The following PCDHGA5 variants were observed in gnomAD, a reference collection of about 807,000 sequenced individuals.
The protein encoded by PCDHGA5 is protocadherin gamma-A5.
Under a neutral mutation model 56.7 loss-of-function variants are expected in PCDHGA5, and 36 were observed. That is an observed-to-expected ratio of 0.64 (90% CI 0.49 to 0.84). The LOEUF (loss-of-function observed/expected upper bound fraction) is 0.84, where lower values mean the gene tolerates loss of function less well. PCDHGA5 is among the 40% of genes least tolerant of loss of function. PCDHGA5 has a pLI of 0.00. For missense variants in PCDHGA5, 1,305 were observed against 1,201.5 expected (o/e 1.09, Z -1.27); for synonymous variants, 563 against 520.2 (o/e 1.08, Z -1.12).
In PCDHGA5 at chr5:141,490,442, A is replaced by T. The variant is rs757900187; in HGVS notation, c.2422-4365A>T. On this transcript the variant is annotated intron_variant, in intron 1 of 3. Transcript: ENST00000518069. The surrounding 1 kb of genome is among the most constrained non-coding windows in gnomAD (Gnocchi z 5.4). ...CTGCCATTTCAGATTAAGCCTTCTG[A>T]GAACCACTACTCGCTGCTAACCAGC... 16 of 1,614,092 alleles carry T rather than the reference A, an allele frequency of 9.9e-6. No individual in the cohort carries two copies. Among genetic ancestry groups the T allele is most frequent in the Non-Finnish European group, 1.2e-5 (14 of 1,180,044 alleles).
intron 1 of PCDHGA5, chr5:141,399,761 G>C: frequency 1.2e-6 from 2 of 1,613,356 alleles, no homozygotes; most frequent in Non-Finnish European, 1.7e-6. Flanking sequence ...GTGAGCCTGC[G>C]CGTGTTGGTG....
At chr5:141,408,228 G>C (rs1233027944) in intron 1 of PCDHGA5, 2 of 1,564,122 alleles carry the variant, frequency 1.3e-6, no homozygotes, top group South Asian at 2.3e-5. Flanking sequence ...GCGCAGAGGC[G>C]CCGGGCCGGC....
intron 1 of PCDHGA5, among the ~76,000 whole-genome samples, chr5:141,458,368 A>C (rs934670055): frequency 3.9e-5 from 6 of 152,112 alleles, no homozygotes; most frequent in Admixed American, 3.9e-4. Flanking sequence ...GAAGGAAGGG[A>C]GAAGAGAGAA....
At chr5:141,415,095 C>T (rs1045755927) in intron 1 of PCDHGA5, 1 of 1,613,584 alleles carries the variant, frequency 6.2e-7, no homozygotes, top group Non-Finnish European at 8.5e-7. Context: ...TGGACAGAGA[C>T]GCGCTCAAGC....
In PCDHGA5 at chr5:141,458,391, C is replaced by G. The variant is rs534396279; in HGVS notation, c.2422-36416C>G. 5.9e-5 allele frequency among the ~76,000 whole-genome samples: 9 copies of G among 152,126 alleles called. No homozygotes were observed. In the South Asian group the frequency reaches 1.0e-3, roughly 18 times the overall value. ...GGAGAAGAGAGAAGGAAGACGCTCCCCCTTGCAGAGACGGAGCGGGGGTTC... is the reference window on the plus strand; with the variant it reads ...GGAGAAGAGAGAAGGAAGACGCTCCGCCTTGCAGAGACGGAGCGGGGGTTC... On this transcript the variant is annotated intron_variant, in intron 1 of 3. Coordinates refer to ENST00000518069, the MANE Select transcript of PCDHGA5 (RefSeq NM_018918.3).
chr5:141,407,345 T>C (rs1025383467), intron 1 of PCDHGA5, among the ~76,000 whole-genome samples: 2 of 152,188 alleles, frequency 1.3e-5, no homozygotes, highest in African/African-American at 4.8e-5. Flanking sequence ...TGTATGTTAA[T>C]TTGGGGAAAA....
intron 2 of PCDHGA5, among the ~76,000 whole-genome samples, chr5:141,503,448 C>T (rs765046868): frequency 2.0e-5 from 3 of 151,808 alleles, no homozygotes; most frequent in South Asian, 2.1e-4. Context: ...TACAAAAATT[C>T]GCTGGGCATG....
chr5:141,440,564 A>G (rs531383065), intron 1 of PCDHGA5: 1 of 152,248 alleles, frequency 6.6e-6, no homozygotes, highest in Admixed American at 6.5e-5. Context: ...TAAGTTACGT[A>G]TCTCTGAGTT....
intron 1 of PCDHGA5, chr5:141,372,294 G>C (rs536487253): frequency 6.2e-7 from 1 of 1,613,280 alleles, no homozygotes; most frequent in Non-Finnish European, 8.5e-7. Flanking sequence ...TACCTTGGGC[G>C]ACAGGGAGGC....
chr5:141,451,209 G>C (rs556588482), intron 1 of PCDHGA5, among the ~76,000 whole-genome samples: 1 of 152,266 alleles, frequency 6.6e-6, no homozygotes, highest in African/African-American at 2.4e-5. Flanking sequence ...CCAAAACTTA[G>C]TGGCTTAAAA....
intron 1 of PCDHGA5, among the ~76,000 whole-genome samples, chr5:141,472,742 T>C (rs926507203): frequency 2.0e-5 from 3 of 151,762 alleles, no homozygotes; most frequent in Non-Finnish European, 4.4e-5. Flanking sequence ...TCCCAGCACT[T>C]TGGGAGGCGG....
At chr5:141,499,300 C>G (rs2154592463) in intron 2 of PCDHGA5, among the ~76,000 whole-genome samples, 1 of 152,292 alleles carries the variant, frequency 6.6e-6, no homozygotes, top group South Asian at 2.1e-4. Context: ...ACTACCATCC[C>G]TCCTCTGAGA....
At chr5:141,405,523 G>T (rs140184617) in intron 1 of PCDHGA5, 2 of 679,202 alleles carry the variant, frequency 2.9e-6, no homozygotes, top group African/African-American at 3.6e-5. Context: ...AAATTCAAGC[G>T]ATTCTCCTGC....
chr5:141,394,353 C>G (rs759128487), intron 1 of PCDHGA5: 11 of 1,614,178 alleles, frequency 6.8e-6, no homozygotes, highest in East Asian at 4.5e-5. Flanking sequence ...CACCGGTGTC[C>G]TGTATGCGCT....
intron 1 of PCDHGA5, chr5:141,374,738 G>C (rs1454843423): frequency 4.3e-6 from 7 of 1,611,282 alleles, no homozygotes; most frequent in East Asian, 2.2e-5. Flanking sequence ...GGATGGCGGC[G>C]ACCCTGTCCG....
chr5:141,373,227 T>A (rs545943961), intron 1 of PCDHGA5, among the ~76,000 whole-genome samples: 1 of 152,232 alleles, frequency 6.6e-6, no homozygotes. Flanking sequence ...AACCTGTATA[T>A]AATATTTTTA....
intron 1 of PCDHGA5, chr5:141,388,422 C>T (rs68033444): frequency 0.056 from 89,796 of 1,613,752 alleles, 3,047 homozygotes; most frequent in African/African-American, 0.15. Flanking sequence ...TCATTTCTCA[C>T]TGATAAATAA....
At chr5:141,407,214 G>C (rs1230787104) in intron 1 of PCDHGA5, among the ~76,000 whole-genome samples, 2 of 152,146 alleles carry the variant, frequency 1.3e-5, no homozygotes, top group South Asian at 2.1e-4. Context: ...TCCCCCTTAA[G>C]TGGGTAGCAA....
In PCDHGA5 at chr5:141,431,183, A is replaced by G. The variant is rs1467232519; in HGVS notation, c.2422-63624A>G. Reference sequence around the variant, plus strand: ...TCGTGAAAGTGAATTAGAAATAAAAATTAGTGAAAATGCAGCCACTGAGAT... The same window carrying G: ...TCGTGAAAGTGAATTAGAAATAAAAGTTAGTGAAAATGCAGCCACTGAGAT... On this transcript the variant is annotated intron_variant, in intron 1 of 3. Transcript: ENST00000518069. The surrounding 1 kb of genome is among the most constrained non-coding windows in gnomAD (Gnocchi z 4.8). 1 of 1,614,218 alleles carries G rather than the reference A, an allele frequency of 6.2e-7. No individual in the cohort carries two copies. The highest frequency in any genetic ancestry group is 2.2e-5 in the East Asian group (1 of 44,880).
Sources: gnomAD v4.1 joint callset for allele counts (sites outside exome capture counted in the v4.1 genomes callset) on GRCh38, gnomAD v4.1.1 for gene constraint, Gnocchi (gnomAD v3.1) non-coding constraint, MANE v1.5 for transcripts, NCBI Gene and HGNC (gene_info 2026-07-23, HGNC 2026-07-21) for gene names.